SGCZ: variants seen among roughly 807,000 people sequenced by gnomAD.
The protein encoded by SGCZ is zeta-sarcoglycan.
In SGCZ, 40 loss-of-function variants were observed where a neutral mutation model predicts 41.3. The ratio of observed to expected loss-of-function variants is 0.97; its 90% confidence interval spans 0.75 to 1.26. SGCZ has a LOEUF of 1.26. Among genes scored for constraint, SGCZ ranks in the 50% most tolerant of loss-of-function variants. SGCZ has a pLI of 0.00. For synonymous variants in SGCZ, 206 were observed against 137.5 expected (o/e 1.50, Z -3.49); for missense variants, 552 against 369.8 (o/e 1.49, Z -4.04).
At chr8:14,341,494 T>A (rs555121599) in intron 2 of SGCZ, among the ~76,000 whole-genome samples, 1 of 152,238 alleles carries the variant, frequency 6.6e-6, no homozygotes, top group East Asian at 1.9e-4. Context: ...TGGGGTAACA[T>A]CATTTTGAGC....
chr8:14,097,628 T>C (rs1478210485), intron 7 of SGCZ, among the ~76,000 whole-genome samples: 1 of 152,130 alleles, frequency 6.6e-6, no homozygotes, highest in Non-Finnish European at 1.5e-5. Flanking sequence ...GCTGAGTTCA[T>C]GTCCTGGATA....
At chr8:15,194,185 TCACACACACA>T (rs34127082) in intron 1 of SGCZ, among the ~76,000 whole-genome samples, 132 of 139,570 alleles carry the variant, frequency 9.5e-4, no homozygotes, top group South Asian at 5.6e-3. Flanking sequence ...CCACCTCTAA[TCACACACACA>T]CACACACACA....
At chr8:15,006,042 C>T (rs1414337646) in intron 1 of SGCZ, among the ~76,000 whole-genome samples, 1 of 152,124 alleles carries the variant, frequency 6.6e-6, no homozygotes, top group East Asian at 1.9e-4. Context: ...ACGGTAATCA[C>T]ATTGTTTATA....
chr8:14,788,739 C>A (rs1040261160), intron 1 of SGCZ, among the ~76,000 whole-genome samples: 1 of 152,100 alleles, frequency 6.6e-6, no homozygotes, highest in Non-Finnish European at 1.5e-5. Context: ...AATACCGAAC[C>A]ATTGCTCCTG....
At chr8:15,190,541 C>T (rs1412327663) in intron 1 of SGCZ, among the ~76,000 whole-genome samples, 1 of 151,964 alleles carries the variant, frequency 6.6e-6, no homozygotes, top group Non-Finnish European at 1.5e-5. Flanking sequence ...GAAAGAGTGG[C>T]CCAGAGACTT....
chr8:14,864,236 C>A (rs908040301), intron 1 of SGCZ, among the ~76,000 whole-genome samples: 15 of 151,646 alleles, frequency 9.9e-5, no homozygotes, highest in African/African-American at 3.7e-4. Context: ...CCACCACTTA[C>A]ATGTTTCCTA....
intron 1 of SGCZ, among the ~76,000 whole-genome samples, chr8:14,590,406 A>C (rs1805203023): frequency 6.6e-6 from 1 of 151,986 alleles, no homozygotes; most frequent in African/African-American, 2.4e-5. Context: ...TTGGTCAAGA[A>C]ATATTGTTGT....
chr8:14,907,380 G>A (rs1563354440), intron 1 of SGCZ, among the ~76,000 whole-genome samples: 1 of 151,940 alleles, frequency 6.6e-6, no homozygotes, highest in Non-Finnish European at 1.5e-5. Context: ...TTGAGATGAT[G>A]TCTCACTATC....
chr8:15,097,855 T>C (rs1343193521), intron 1 of SGCZ, among the ~76,000 whole-genome samples: 662 of 9,538 alleles, frequency 0.069, 21 homozygotes, highest in African/African-American at 0.14. Flanking sequence ...TATATATATA[T>C]ACGTGTGTGT....
intron 1 of SGCZ, among the ~76,000 whole-genome samples, chr8:14,815,067 T>A (rs1033349239): frequency 6.6e-6 from 1 of 152,182 alleles, no homozygotes; most frequent in Admixed American, 6.5e-5. Flanking sequence ...TCACTTTATT[T>A]ATTGGAGCAA....
intron 5 of SGCZ, among the ~76,000 whole-genome samples, chr8:14,154,348 G>A (rs576140638): frequency 2.2e-4 from 34 of 151,514 alleles, no homozygotes; most frequent in South Asian, 1.9e-3. Context: ...CAGCCTGAGC[G>A]ACATAGCAAG....
intron 1 of SGCZ, among the ~76,000 whole-genome samples, chr8:14,945,635 G>C (rs964374979): frequency 6.6e-6 from 1 of 150,578 alleles, no homozygotes; most frequent in Admixed American, 6.6e-5. Context: ...ATTGGCATGT[G>C]AGTTGCCAGA....
At chr8:15,091,306 T>A (rs1468624060) in intron 1 of SGCZ, among the ~76,000 whole-genome samples, 1 of 152,162 alleles carries the variant, frequency 6.6e-6, no homozygotes, top group Non-Finnish European at 1.5e-5. Flanking sequence ...TAGTGTGTGT[T>A]ACCACACCTG....
chr8:14,899,535 C>G (rs2130757320), intron 1 of SGCZ, among the ~76,000 whole-genome samples: 1 of 152,242 alleles, frequency 6.6e-6, no homozygotes, highest in East Asian at 1.9e-4. Context: ...GGGAGGTTTG[C>G]CAGGCAGGCT....
At chr8:14,979,212 A>G (rs529331099) in intron 1 of SGCZ, among the ~76,000 whole-genome samples, 4 of 152,344 alleles carry the variant, frequency 2.6e-5, no homozygotes, top group South Asian at 4.1e-4. Flanking sequence ...ATATCATCTC[A>G]GGTAACATCA....
chr8:15,234,573 A>C (rs1167099239), intron 1 of SGCZ, among the ~76,000 whole-genome samples: 1 of 152,234 alleles, frequency 6.6e-6, no homozygotes, highest in Non-Finnish European at 1.5e-5. Flanking sequence ...AGTTTTACAC[A>C]CATAACTGTA....
At chr8:14,432,249 A>G (rs566126025) in intron 2 of SGCZ, among the ~76,000 whole-genome samples, 1 of 152,332 alleles carries the variant, frequency 6.6e-6, no homozygotes, top group Non-Finnish European at 1.5e-5. Context: ...TAGTAGCACA[A>G]TTCGCAATTG....
intron 1 of SGCZ, among the ~76,000 whole-genome samples, chr8:15,200,485 G>A (rs1004211487): frequency 5.9e-5 from 9 of 152,148 alleles, no homozygotes; most frequent in African/African-American, 1.9e-4. Context: ...GATATCTGGA[G>A]CTCCCTTACC....
At chr8:15,126,683 T>G (rs776438944) in intron 1 of SGCZ, among the ~76,000 whole-genome samples, 10 of 152,062 alleles carry the variant, frequency 6.6e-5, no homozygotes, top group Non-Finnish European at 1.5e-4. Flanking sequence ...ACCAGGACAA[T>G]GAGTTGAGGC....
Sources: gnomAD v4.1 joint callset for allele counts (sites outside exome capture counted in the v4.1 genomes callset) on GRCh38, gnomAD v4.1.1 for gene constraint, MANE v1.5 for transcripts, NCBI Gene and HGNC (gene_info 2026-07-23, HGNC 2026-07-21) for gene names.